CNKSR3: variants seen among roughly 807,000 people sequenced by gnomAD.
CNKSR3 encodes CNKSR family member 3.
A neutral mutation model predicts 67.7 loss-of-function variants in CNKSR3; 36 were observed. The ratio of observed to expected loss-of-function variants is 0.53; its 90% CI spans 0.41 to 0.70. The LOEUF is 0.70. Ranked by LOEUF, CNKSR3 falls within the 30% of genes least tolerant of loss-of-function variation. The pLI, the probability that CNKSR3 is intolerant of heterozygous loss-of-function variation, is 0.00. For synonymous variants in CNKSR3, 281 were observed against 271.4 expected, an observed-to-expected ratio of 1.04 and a Z score of -0.35; for missense variants, 630 against 695.2, an observed-to-expected ratio of 0.91 and a Z score of 1.05.
chr6:154,405,255 C>A lies in CNKSR3; in HGVS notation c.*1099G>T, dbSNP rs1305787461. ...TGCCTTGCACTTTCTTTTTCACTAG[C>A]TTCGTGTATGACGCAAAACAGAAAT... is the stretch of plus-strand genomic sequence containing the variant. On this transcript the variant is annotated 3_prime_UTR_variant, in exon 13 of 13. Transcript: ENST00000607772. The A allele has an allele frequency of 1.3e-5, 2 of 152,606 alleles. No individual in the cohort carries two copies. Among genetic ancestry groups the A allele is most frequent in the African/African-American group, 4.8e-5 (2 of 41,448 alleles). 9.5% of individuals were successfully genotyped at this position (152,606 alleles called of 1,614,324 possible).
At chr6:154,412,209 T>C (rs113886224) in intron 10 of CNKSR3, among the ~76,000 whole-genome samples, 1,733 of 152,282 alleles carry the variant, frequency 0.011, 13 homozygotes, top group African/African-American at 0.019. Context: ...CACCCACAAA[T>C]ATATCTCCTT....
In CNKSR3 at chr6:154,405,232, C is replaced by G. The variant is rs868750071; in HGVS notation, c.*1122G>C. The G allele has an allele frequency of 6.5e-6, 1 of 152,746 alleles. No individual in the cohort carries two copies. The highest frequency in any genetic ancestry group is 1.9e-4 in the East Asian group (1 of 5,190). The allele number at this position is 152,746 out of a possible 1,614,324, so 9.5% of individuals were successfully genotyped here. Reference sequence around the variant, plus strand: ...ATAGTCACTTGCTCATCTGAAAATGCCTTGCACTTTCTTTTTCACTAGCTT... The same window carrying G: ...ATAGTCACTTGCTCATCTGAAAATGGCTTGCACTTTCTTTTTCACTAGCTT... On this transcript the variant is annotated 3_prime_UTR_variant, in exon 13 of 13. Coordinates refer to ENST00000607772, the MANE Select transcript of CNKSR3 (RefSeq NM_173515.4).
chr6:154,504,324 ACTGACAGGTG>A (rs1787054846), intron 1 of CNKSR3, among the ~76,000 whole-genome samples: 2 of 152,348 alleles, frequency 1.3e-5, no homozygotes, highest in South Asian at 4.1e-4. Context: ...TCTCTTTGAC[ACTGACAGGTG>A]CCCCTGGATG....
chr6:154,506,516 G>A (rs1192280201), intron 1 of CNKSR3, among the ~76,000 whole-genome samples: 1 of 152,196 alleles, frequency 6.6e-6, no homozygotes, highest in Non-Finnish European at 1.5e-5. Flanking sequence ...CCTGTCTTCT[G>A]TCTTCCATGA....
intron 9 of CNKSR3, among the ~76,000 whole-genome samples, chr6:154,421,102 C>G (rs1052150536): frequency 2.6e-5 from 4 of 152,296 alleles, no homozygotes; most frequent in East Asian, 3.9e-4. Flanking sequence ...CAACCTCTGC[C>G]TCCTGGGTTC....
intron 1 of CNKSR3, among the ~76,000 whole-genome samples, chr6:154,493,205 A>G (rs1786816271): frequency 1.3e-5 from 2 of 152,058 alleles, no homozygotes; most frequent in Non-Finnish European, 2.9e-5. Flanking sequence ...TCCCTTTGTC[A>G]AGAACATTCT....
chr6:154,414,649 G>A (rs1784980977), intron 9 of CNKSR3: 3 of 610,484 alleles, frequency 4.9e-6, no homozygotes, highest in Admixed American at 4.3e-5. Context: ...AGAAGCAGAG[G>A]CTTAGGAGCC....
At chr6:154,429,786 C>T (rs1299558668) in intron 6 of CNKSR3, among the ~76,000 whole-genome samples, 2 of 152,060 alleles carry the variant, frequency 1.3e-5, no homozygotes, top group Non-Finnish European at 2.9e-5. Flanking sequence ...TTAATGCACA[C>T]GTACTATATG....
At chr6:154,486,135 C>A (rs1287351184) in intron 1 of CNKSR3, among the ~76,000 whole-genome samples, 3 of 152,128 alleles carry the variant, frequency 2.0e-5, no homozygotes, top group Admixed American at 6.5e-5. Flanking sequence ...TTCCCCTCGG[C>A]CGTGTAATGC....
At chr6:154,475,155 A>G (rs572719278) in intron 1 of CNKSR3, among the ~76,000 whole-genome samples, 121 of 152,306 alleles carry the variant, frequency 7.9e-4, no homozygotes, top group Non-Finnish European at 1.4e-3. Flanking sequence ...AAAGTGGTAG[A>G]ACTGGTCTTG....
At chr6:154,406,915 T>G (rs562776971) in intron 12 of CNKSR3, among the ~76,000 whole-genome samples, 16 of 150,510 alleles carry the variant, frequency 1.1e-4, no homozygotes, top group Admixed American at 6.6e-4. Context: ...ATCGCGCCAC[T>G]GCACTCCAGG....
rs757073264 is a variant in CNKSR3 at position 154,442,209 on chromosome 6, T to C, written c.298A>G (p.Ser100Gly). 3 of 1,614,192 alleles carry C rather than the reference T, an allele frequency of 1.9e-6. No homozygotes were observed. In the Admixed American group the frequency reaches 5.0e-5, roughly 27 times the overall value. The change falls in exon 3 of 13, where the codon AGT (serine) becomes GGT (glycine). Residue 100 changes from serine (S) to glycine (G), a missense_variant. By Grantham distance (56) the Ser-to-Gly change is moderately conservative. Coordinates refer to ENST00000607772, the MANE Select transcript of CNKSR3 (RefSeq NM_173515.4). ...TAAGCGGGACTTTTCCGTCGGCTACTTATGTAATTCTGTAAATTGTGGGAA... is the reference window on the plus strand; with the variant it reads ...TAAGCGGGACTTTTCCGTCGGCTACCTATGTAATTCTGTAAATTGTGGGAA... ...ASSHNLQNYI[S>G]SRRKSPAYDG...
chr6:154,479,439 T>G (rs1786522148), intron 1 of CNKSR3, among the ~76,000 whole-genome samples: 1 of 152,068 alleles, frequency 6.6e-6, no homozygotes, highest in Non-Finnish European at 1.5e-5. Flanking sequence ...AAGCCTAAAC[T>G]AGAGCTCCAA....
intron 1 of CNKSR3, among the ~76,000 whole-genome samples, chr6:154,461,565 T>C (rs2128720956): frequency 6.6e-6 from 1 of 152,326 alleles, no homozygotes; most frequent in South Asian, 2.1e-4. Context: ...TGCAAATTAC[T>C]TAACCTCTCT....
chr6:154,406,161 C>T lies in CNKSR3; in HGVS notation c.*193G>A. 5.0e-6 allele frequency: 3 copies of T among 600,004 alleles called. No homozygotes were observed. Among genetic ancestry groups the T allele is most frequent in the Non-Finnish European group, 5.8e-6 (2 of 341,928 alleles). The allele number at this position is 600,004 out of a possible 1,614,324, so 37.2% of individuals were successfully genotyped here. ...CTCCTTTTGTCTCCACAAGCCAGCACCTAAGATCCTCTGAATTTGTTCCCA... is the reference window on the plus strand; with the variant it reads ...CTCCTTTTGTCTCCACAAGCCAGCATCTAAGATCCTCTGAATTTGTTCCCA... On this transcript the variant is annotated 3_prime_UTR_variant, in exon 13 of 13. Coordinates refer to ENST00000607772, the MANE Select transcript of CNKSR3 (RefSeq NM_173515.4).
chr6:154,503,864 A>G (rs1162944687), intron 1 of CNKSR3, among the ~76,000 whole-genome samples: 1 of 152,230 alleles, frequency 6.6e-6, no homozygotes, highest in African/African-American at 2.4e-5. Context: ...AAACAGCTGG[A>G]GTACATACCA....
At position 154,410,428 on chromosome 6, in the gene CNKSR3, C is replaced by T. The variant is rs1456297968; in HGVS notation, c.1284G>A (p.Lys428=). ...CAGCAGGCATGGACAAAGGCCGTGG[C>T]TTGCCTTCAGAGGGACGAGAAAGAA... The part of the protein sequence containing the change: ...KMREKTPSYG[K]PRPLSMPADG... Residue 428 remains lysine (K), a synonymous_variant, in exon 12 of 13, where the codon AAG becomes AAA. Transcript: ENST00000607772. 5.6e-6 allele frequency: 9 copies of T among 1,613,502 alleles called. No individual in the cohort carries two copies. The South Asian group carries it at 7.7e-5, about 14-fold the overall frequency.
At position 154,450,030 on chromosome 6, in the gene CNKSR3, C is replaced by T. The variant is rs571383235; in HGVS notation, c.216+65G>A. ...TGATATGCTAAATCACAAACAATGA[C>T]GGCTTAAGAGAGCAAGGCTCTAAAG... is the stretch of plus-strand genomic sequence containing the variant. On this transcript the variant is annotated intron_variant, in intron 2 of 12. Coordinates refer to ENST00000607772, the MANE Select transcript of CNKSR3 (RefSeq NM_173515.4). 1.9e-4 allele frequency: 273 copies of T among 1,456,332 alleles called. 1 individual carries two copies. In the South Asian group the frequency reaches 2.7e-3, roughly 14 times the overall value. The allele number at this position is 1,456,332 out of a possible 1,614,324, so 90.2% of individuals were successfully genotyped here.
Position 154,414,301 on chromosome 6 carries a change from G to A in CNKSR3, c.1068C>T (p.Pro356=), listed in dbSNP as rs376887416. Residue 356 remains proline (P), a splice_region_variant and synonymous_variant, in exon 10 of 13, where the codon CCC becomes CCT. Coordinates refer to ENST00000607772, the MANE Select transcript of CNKSR3 (RefSeq NM_173515.4). ...CATGACAATGGACAGCAACATACCG[G>A]GGAGAGTAGGGAACAGCAGGCGGAG... The part of the protein sequence containing the change: ...IPPPPAVPYS[P]RDENGSFVYG... The A allele has an allele frequency of 1.4e-5, 22 of 1,592,262 alleles. No homozygotes were observed. In the East Asian group the frequency reaches 4.5e-4, roughly 32 times the overall value.
Sources: allele counts gnomAD v4.1 joint callset (sites outside exome capture counted in the v4.1 genomes callset), GRCh38; gene constraint gnomAD v4.1.1; transcripts MANE v1.5; gene names NCBI Gene and HGNC (gene_info 2026-07-23, HGNC 2026-07-21).